FUT8: variants seen among roughly 807,000 people sequenced by gnomAD.
FUT8 encodes fucosyltransferase 8.
A neutral mutation model predicts 71.3 loss-of-function variants in FUT8; 29 were observed. The observed-to-expected ratio is 0.41, with a 90% CI of 0.30 to 0.55. FUT8 has a LOEUF of 0.55. FUT8 is among the 20% of genes least tolerant of loss of function. The pLI is 0.34. For missense variants in FUT8, 544 were observed against 702.1 expected, an observed-to-expected ratio of 0.77 and a Z score of 2.55; for synonymous variants, 254 against 239.3, an observed-to-expected ratio of 1.06 and a Z score of -0.57.
At chr14:65,701,147 AT>A in intron 7 of FUT8, among the ~76,000 whole-genome samples, 1 of 152,324 alleles carries the variant, frequency 6.6e-6, no homozygotes, top group East Asian at 1.9e-4. Context: ...GTTGTGATTC[AT>A]TTTGGATACC....
chr14:65,652,487 C>T lies in FUT8; in HGVS notation c.598-16756C>T, dbSNP rs1891458539. On this transcript the variant is annotated intron_variant, in intron 6 of 10. Transcript: ENST00000673929. This position sits in a 1 kb window ranked among gnomAD's most constrained non-coding sequence, Gnocchi z 4.0. ...CTTGAGAGGACATGATGCTTTGGAGCTGTTACAACCATCTTGTGACCATGA... is the reference window on the plus strand; with the variant it reads ...CTTGAGAGGACATGATGCTTTGGAGTTGTTACAACCATCTTGTGACCATGA... Among the ~76,000 whole-genome samples the T allele has an allele frequency of 6.6e-6, 1 of 152,178 alleles. No homozygotes were observed. The highest frequency in any genetic ancestry group is 1.5e-5 in the Non-Finnish European group (1 of 68,038).
At chr14:65,465,081 T>G (rs1566763964) in intron 2 of FUT8, among the ~76,000 whole-genome samples, 1 of 152,130 alleles carries the variant, frequency 6.6e-6, no homozygotes, top group Non-Finnish European at 1.5e-5. Flanking sequence ...ATTGGTCCAT[T>G]TCACCTAAGT....
In FUT8 at chr14:65,742,476, C is replaced by A; in HGVS notation, c.*66C>A. On this transcript the variant is annotated 3_prime_UTR_variant, in exon 11 of 11. Coordinates refer to ENST00000673929, the MANE Select transcript of FUT8 (RefSeq NM_001371533.1). ...CAAACTCAGTTCAAACCATTTCAGC[C>A]AAACTGTAGATGAAGAGGGCTCTGA... 2 of 1,348,590 alleles carry A rather than the reference C, an allele frequency of 1.5e-6. No individual in the cohort carries two copies. Among genetic ancestry groups the A allele is most frequent in the Non-Finnish European group, 1.0e-6 (1 of 975,800 alleles). 83.5% of individuals were successfully genotyped at this position (1,348,590 alleles called of 1,614,324 possible). A position where few individuals can be genotyped will look rare whatever the true frequency, so the allele number is the denominator to read the frequency against.
chr14:65,496,557 A>G (rs541259754), intron 2 of FUT8, among the ~76,000 whole-genome samples: 19 of 152,134 alleles, frequency 1.2e-4, no homozygotes, highest in African/African-American at 4.6e-4. Flanking sequence ...TGATGGTTTT[A>G]TACGTGTCTG....
chr14:65,718,346 G>A (rs1490662968), intron 7 of FUT8, among the ~76,000 whole-genome samples: 4 of 152,146 alleles, frequency 2.6e-5, no homozygotes, highest in Non-Finnish European at 5.9e-5. Context: ...CAATCAAAAA[G>A]AAGTCTAATA....
intron 6 of FUT8, among the ~76,000 whole-genome samples, chr14:65,668,647 C>G (rs1892330013): frequency 2.0e-5 from 3 of 152,088 alleles, no homozygotes. Flanking sequence ...ACTTAGAGAG[C>G]TACTATTTGA....
intron 6 of FUT8, among the ~76,000 whole-genome samples, chr14:65,642,602 CAAA>C (rs71126774): frequency 1.5e-4 from 14 of 95,642 alleles, no homozygotes; most frequent in Middle Eastern, 5.7e-3. Context: ...GACTCCGTCT[CAAA>C]AAAAAAAAAA....
intron 1 of FUT8, among the ~76,000 whole-genome samples, chr14:65,418,992 G>T (rs1430740999): frequency 6.6e-6 from 1 of 152,192 alleles, no homozygotes; most frequent in African/African-American, 2.4e-5. Context: ...ACTTTGGGAG[G>T]CCGAGGCAGG....
At chr14:65,369,447 C>T in the FUT8 span, among the ~76,000 whole-genome samples, 1 of 152,158 alleles carries the variant, frequency 6.6e-6, no homozygotes, top group Admixed American at 6.5e-5. This position sits in a 1 kb window ranked among gnomAD's most constrained non-coding sequence, Gnocchi z 4.6. Context: ...ATGAGACCTA[C>T]TGAGCTGCAT....
intron 1 of FUT8, among the ~76,000 whole-genome samples, chr14:65,428,124 T>C (rs760047843): frequency 4.6e-5 from 7 of 152,188 alleles, no homozygotes; most frequent in Non-Finnish European, 7.3e-5. Flanking sequence ...ATAAAATGAA[T>C]TATTTTGACT....
At chr14:65,601,454 A>G (rs1032627058) in intron 3 of FUT8, among the ~76,000 whole-genome samples, 1 of 152,194 alleles carries the variant, frequency 6.6e-6, no homozygotes, top group Admixed American at 6.5e-5. Flanking sequence ...CCTTTCAGCC[A>G]TATTAGTTTA....
At chr14:65,453,767 T>G (rs1387261862) in intron 1 of FUT8, among the ~76,000 whole-genome samples, 8 of 151,298 alleles carry the variant, frequency 5.3e-5, no homozygotes, top group Non-Finnish European at 1.2e-4. Context: ...ATGTGTAGAT[T>G]AGTATTTAGT....
At chr14:65,691,150 T>C (rs531944419) in intron 7 of FUT8, among the ~76,000 whole-genome samples, 1 of 151,396 alleles carries the variant, frequency 6.6e-6, no homozygotes, top group South Asian at 2.1e-4. Flanking sequence ...TGCCAACTCT[T>C]GGGATTTCCT....
intron 1 of FUT8, among the ~76,000 whole-genome samples, chr14:65,451,992 G>T (rs1253012489): frequency 6.6e-6 from 1 of 152,140 alleles, no homozygotes; most frequent in Non-Finnish European, 1.5e-5. Flanking sequence ...TGAGGGTGAG[G>T]TTATGCTGGG....
At chr14:65,482,934 C>T (rs1166663751) in intron 2 of FUT8, among the ~76,000 whole-genome samples, 1 of 152,106 alleles carries the variant, frequency 6.6e-6, no homozygotes, top group African/African-American at 2.4e-5. Flanking sequence ...ATTGGCTTTC[C>T]CACTCTACAG....
chr14:65,359,427 C>T, the FUT8 span, among the ~76,000 whole-genome samples: 1 of 152,180 alleles, frequency 6.6e-6, no homozygotes, highest in Non-Finnish European at 1.5e-5. Context: ...GTGCAACCAT[C>T]ACCACCATAC....
In FUT8 at chr14:65,489,216, C is replaced by T. The variant is rs563532454; in HGVS notation, c.-228+33498C>T. Among the ~76,000 whole-genome samples the T allele has an allele frequency of 6.6e-6, 1 of 152,242 alleles. No individual in the cohort carries two copies. The highest frequency in any genetic ancestry group is 2.1e-4 in the South Asian group (1 of 4,826). Reference sequence around the variant, plus strand: ...GAGAACAGATTTATCTAACACTAAACGGTCACTGGCAAGAACCTTTTCTTT... The same window carrying T: ...GAGAACAGATTTATCTAACACTAAATGGTCACTGGCAAGAACCTTTTCTTT... On this transcript the variant is annotated intron_variant, in intron 2 of 10. Coordinates refer to ENST00000673929, the MANE Select transcript of FUT8 (RefSeq NM_001371533.1). This position sits in a 1 kb window ranked among gnomAD's most constrained non-coding sequence, Gnocchi z 4.0.
At chr14:65,722,318 A>G (rs1211084632) in intron 8 of FUT8, among the ~76,000 whole-genome samples, 3 of 151,878 alleles carry the variant, frequency 2.0e-5, no homozygotes, top group African/African-American at 7.3e-5. Flanking sequence ...TATTTTTGAG[A>G]TAGGGTCTCA....
rs547659391 is a variant in FUT8, at chr14:65,584,324, G to A, written c.203+22558G>A. Among the ~76,000 whole-genome samples, 39 of 152,072 alleles carry A rather than the reference G, an allele frequency of 2.6e-4. 1 individual carries two copies. Among genetic ancestry groups the A allele is most frequent in the African/African-American group, 8.4e-4 (35 of 41,484 alleles). On this transcript the variant is annotated intron_variant, in intron 3 of 10. Coordinates refer to ENST00000673929, the MANE Select transcript of FUT8 (RefSeq NM_001371533.1). ...CCCCTGAGTAGCTGGGATTATAGGC[G>A]GCCACCACCACACCTAGCTAATTTT...
Sources: gnomAD v4.1 joint callset for allele counts (sites outside exome capture counted in the v4.1 genomes callset) on GRCh38, gnomAD v4.1.1 for gene constraint, Gnocchi (gnomAD v3.1) non-coding constraint, MANE v1.5 for transcripts, NCBI Gene and HGNC (gene_info 2026-07-23, HGNC 2026-07-21) for gene names.